The following DRC8 variants were observed in gnomAD, a reference collection of about 807,000 sequenced individuals.
The protein encoded by DRC8 is dynein regulatory complex protein 8.
At chr1:245,046,336 G>A in the DRC8 span, among the ~76,000 whole-genome samples, 2 of 151,818 alleles carry the variant, frequency 1.3e-5, no homozygotes, top group Non-Finnish European at 2.9e-5. Context: ...GACAGACCTC[G>A]ATCTCTTTCT....
chr1:245,016,227 C>T, the DRC8 span, among the ~76,000 whole-genome samples: 142 of 152,268 alleles, frequency 9.3e-4, 1 homozygote, highest in Middle Eastern at 0.01. Context: ...GTGAACCACC[C>T]TCCTCGGCCT....
At chr1:245,085,499 A>G in the DRC8 span, among the ~76,000 whole-genome samples, 2 of 152,182 alleles carry the variant, frequency 1.3e-5, no homozygotes, top group Non-Finnish European at 2.9e-5. Flanking sequence ...GGGAGGTAGG[A>G]ATGAACATGC....
the DRC8 span, among the ~76,000 whole-genome samples, chr1:244,978,491 CAAA>C: frequency 2.3e-5 from 3 of 129,810 alleles, no homozygotes; most frequent in Non-Finnish European, 1.6e-5. Flanking sequence ...AACTCCGTCT[CAAA>C]AAAAAAAAAA....
At chr1:245,041,637 C>T in the DRC8 span, among the ~76,000 whole-genome samples, 1 of 152,058 alleles carries the variant, frequency 6.6e-6, no homozygotes, top group Admixed American at 6.6e-5. Flanking sequence ...CAGTATACCT[C>T]AGAATGAAAC....
At chr1:245,108,166 C>T in the DRC8 span, among the ~76,000 whole-genome samples, 3 of 152,136 alleles carry the variant, frequency 2.0e-5, no homozygotes, top group Non-Finnish European at 2.9e-5. Context: ...CCTCCCTCCA[C>T]CGCCAAGCAT....
chr1:245,056,249 A>G, the DRC8 span, among the ~76,000 whole-genome samples: 1 of 152,186 alleles, frequency 6.6e-6, no homozygotes, highest in Non-Finnish European at 1.5e-5. Flanking sequence ...AGGTTACTCA[A>G]GTACCGTATG....
the DRC8 span, among the ~76,000 whole-genome samples, chr1:245,103,149 C>G: frequency 7.1e-6 from 1 of 141,684 alleles, no homozygotes; most frequent in Non-Finnish European, 1.5e-5. Context: ...GTCCTCCACC[C>G]TGTGAGGCTG....
the DRC8 span, chr1:245,082,285 T>C: frequency 2.8e-5 from 22 of 784,252 alleles, 1 homozygote; most frequent in African/African-American, 1.4e-4. Flanking sequence ...TAAGGTGGCC[T>C]CCCTCTAACC....
chr1:245,099,286 A>AG, the DRC8 span, among the ~76,000 whole-genome samples: 12 of 152,130 alleles, frequency 7.9e-5, no homozygotes, highest in African/African-American at 1.7e-4. Context: ...AGTTCTCTCA[A>AG]GGGGGGGCTT....
At chr1:245,037,578 C>T in the DRC8 span, among the ~76,000 whole-genome samples, 3 of 152,040 alleles carry the variant, frequency 2.0e-5, no homozygotes, top group African/African-American at 4.8e-5. Context: ...TAAAGATATC[C>T]GCATTTGCTG....
the DRC8 span, chr1:245,017,306 G>A: frequency 7.5e-6 from 12 of 1,605,640 alleles, no homozygotes; most frequent in Middle Eastern, 1.7e-4. Flanking sequence ...ACCATGAGTC[G>A]AATAATACAG....
At chr1:245,124,262 A>G in the DRC8 span, 1,409 of 152,728 alleles carry the variant, frequency 9.2e-3, 21 homozygotes, top group African/African-American at 0.032. Flanking sequence ...TAAGGTAGGA[A>G]TCCAGGTGGT....
chr1:245,004,408 A>G, the DRC8 span, among the ~76,000 whole-genome samples: 1 of 145,962 alleles, frequency 6.9e-6, no homozygotes, highest in African/African-American at 2.5e-5. Flanking sequence ...TCTCATTACA[A>G]AACTTAGAAT....
the DRC8 span, chr1:245,083,749 G>T: frequency 6.5e-7 from 1 of 1,546,572 alleles, no homozygotes. Flanking sequence ...TTTGTTAACA[G>T]TTATGCGAAA....
the DRC8 span, among the ~76,000 whole-genome samples, chr1:245,100,395 G>GTAATGA: frequency 6.7e-6 from 1 of 149,250 alleles, no homozygotes; most frequent in Non-Finnish European, 1.5e-5. Context: ...AAAAGTAGTA[G>GTAATGA]TAATAATAAT....
the DRC8 span, among the ~76,000 whole-genome samples, chr1:244,983,640 C>T: frequency 2.0e-5 from 3 of 148,314 alleles, no homozygotes; most frequent in South Asian, 2.1e-4. Flanking sequence ...CTCGGGAGGC[C>T]GAGGCAGGAG....
chr1:245,051,633 A>G, the DRC8 span, among the ~76,000 whole-genome samples: 1 of 152,290 alleles, frequency 6.6e-6, no homozygotes, highest in South Asian at 2.1e-4. Flanking sequence ...TTACAAGATA[A>G]GCCATTTAGA....
chr1:245,015,723 A>G, the DRC8 span: 372 of 284,444 alleles, frequency 1.3e-3, no homozygotes, highest in African/African-American at 8.6e-3. Context: ...AAAAAAAAAA[A>G]AAGAAAGAAA....
the DRC8 span, among the ~76,000 whole-genome samples, chr1:245,119,346 T>A: frequency 1.4e-3 from 211 of 151,310 alleles, no homozygotes; most frequent in African/African-American, 4.7e-3. Flanking sequence ...ATTGGAGAGT[T>A]TTTTTTTTTT....
Sources: allele counts gnomAD v4.1 joint callset (sites outside exome capture counted in the v4.1 genomes callset), GRCh38; gene constraint gnomAD v4.1.1; transcripts MANE v1.5; gene names NCBI Gene and HGNC (gene_info 2026-07-23, HGNC 2026-07-21).